BIRC6: variants seen among roughly 807,000 people sequenced by gnomAD.
BIRC6 encodes dual E2 ubiquitin-conjugating enzyme/E3 ubiquitin-protein ligase BIRC6.
Under a neutral mutation model 503.3 loss-of-function variants are expected in BIRC6, and 98 were observed. That is an observed-to-expected ratio of 0.19 (90% CI 0.17 to 0.23). The LOEUF (loss-of-function observed/expected upper bound fraction) is 0.23. BIRC6 is among the 10% of genes least tolerant of loss of function. The pLI is 1.00. For missense variants in BIRC6, 5,360 were observed against 5,806.0 expected (o/e 0.92, Z 2.50); for synonymous variants, 2,240 against 2,078.7 (o/e 1.08, Z -2.11).
At position 32,485,251 on chromosome 2, in the gene BIRC6, A is replaced by G. The variant is rs189890267; in HGVS notation, c.7697-392A>G. Among the ~76,000 whole-genome samples the G allele has an allele frequency of 3.2e-4, 48 of 152,230 alleles. 1 individual carries two copies. The highest frequency in any genetic ancestry group is 1.0e-3 in the African/African-American group (42 of 41,534). ...GGCATCTATATTTCTGTATCTGTCTATCTATTCTGAATATGATGAATTCAC... is the reference window on the plus strand; with the variant it reads ...GGCATCTATATTTCTGTATCTGTCTGTCTATTCTGAATATGATGAATTCAC... On this transcript the variant is annotated intron_variant, in intron 39 of 73. Coordinates refer to ENST00000421745, the MANE Select transcript of BIRC6 (RefSeq NM_016252.4).
At chr2:32,452,219 G>T (rs1295246424) in intron 22 of BIRC6, among the ~76,000 whole-genome samples, 3 of 152,106 alleles carry the variant, frequency 2.0e-5, no homozygotes, top group African/African-American at 7.2e-5. Flanking sequence ...ACGGAGGCAG[G>T]TAGGAGAATC....
intron 73 of BIRC6, among the ~76,000 whole-genome samples, chr2:32,617,168 C>T (rs1279063615): frequency 6.6e-6 from 1 of 152,136 alleles, no homozygotes; most frequent in Non-Finnish European, 1.5e-5. Context: ...CTTTGGGAGG[C>T]CGAGGCAGGT....
At chr2:32,455,608 C>G (rs1050362218) in intron 23 of BIRC6, among the ~76,000 whole-genome samples, 14 of 152,104 alleles carry the variant, frequency 9.2e-5, no homozygotes, top group African/African-American at 3.4e-4. Flanking sequence ...GCCTGGGTGA[C>G]AGAGTGAGAC....
intron 66 of BIRC6, among the ~76,000 whole-genome samples, chr2:32,577,264 C>T (rs2060329553): frequency 6.6e-6 from 1 of 152,048 alleles, no homozygotes; most frequent in African/African-American, 2.4e-5. Context: ...AAACTGCCAT[C>T]ATGTCTTTTT....
chr2:32,600,935 A>G (rs2599510), intron 70 of BIRC6, among the ~76,000 whole-genome samples: 69,913 of 152,030 alleles, frequency 0.46, 16,439 homozygotes, highest in Non-Finnish European at 0.51. Flanking sequence ...CCACTTTGGA[A>G]GAAGAATAAT....
chr2:32,510,132 AT>A, intron 52 of BIRC6, 138 bp downstream of exon 52: 1 of 1,066,754 alleles, frequency 9.4e-7, no homozygotes. Context: ...CTCTTCTCTG[AT>A]GGAGTCTCAC....
intron 10 of BIRC6, among the ~76,000 whole-genome samples, chr2:32,422,424 T>A (rs577896507): frequency 4.6e-5 from 7 of 152,296 alleles, no homozygotes; most frequent in African/African-American, 1.7e-4. Context: ...ATTTTTTTTT[T>A]AGAAGAAAAT....
chr2:32,431,151 C>T (rs1440123424), intron 12 of BIRC6, 61 bp downstream of exon 12: 15 of 586,200 alleles, frequency 2.6e-5, no homozygotes, highest in Admixed American at 1.2e-4. Context: ...TCAGAGACAA[C>T]GTAGAATTCC....
intron 17 of BIRC6, 151 bp from the exon 18 acceptor site, chr2:32,441,914 A>T (rs2045481040): frequency 3.8e-6 from 2 of 524,268 alleles, no homozygotes; most frequent in South Asian, 1.2e-4. Context: ...TTTTCTACAA[A>T]TGAAATACTT....
In BIRC6 at chr2:32,525,583, A is replaced by G; in HGVS notation, c.11875A>G (p.Ile3959Val). The G allele has an allele frequency of 6.2e-7, 1 of 1,613,982 alleles. No homozygotes were observed. Among genetic ancestry groups the G allele is most frequent in the Non-Finnish European group, 8.5e-7 (1 of 1,179,874 alleles). ...STSGAEAANK[I>V]ITVPVFHLFH... ...TTCAGGAGCAGAGGCTGCCAACAAA[A>G]TAATTACTGTCCCAGTGTTTCACCT... The change falls in exon 59 of 74, where the codon ATA becomes GTA. Residue 3959 changes from isoleucine (I) to valine (V), a missense_variant. By Grantham distance (29) the Ile-to-Val change is conservative. Transcript: ENST00000421745.
chr2:32,487,763 A>G lies in BIRC6; in HGVS notation c.7930A>G (p.Asn2644Asp). Residue 2644 changes from asparagine to aspartate, a missense_variant, in exon 41 of 74, where the codon AAC becomes GAC. Asn to Asp is a conservative substitution (Grantham distance 23). Transcript: ENST00000421745. Reference sequence around the variant, plus strand: ...TGTCCCAATGTTAAATGTTTGTTTCAACAAACTTTTTTCCATGCTTCAAGT... The same window carrying G: ...TGTCCCAATGTTAAATGTTTGTTTCGACAAACTTTTTTCCATGCTTCAAGT... ...SSVPMLNVCF[N>D]KLFSMLQVHH... 6.2e-7 allele frequency: 1 copy of G among 1,613,462 alleles called. No individual in the cohort carries two copies. Among genetic ancestry groups the G allele is most frequent in the Non-Finnish European group, 8.5e-7 (1 of 1,179,504 alleles).
At chr2:32,385,415 A>AT (rs1275739611) in intron 3 of BIRC6, among the ~76,000 whole-genome samples, 1 of 152,200 alleles carries the variant, frequency 6.6e-6, no homozygotes, top group Non-Finnish European at 1.5e-5. Flanking sequence ...GGTGCTCAAT[A>AT]TTATGGTTGG....
At chr2:32,511,739 T>G (rs1361348093) in intron 53 of BIRC6, among the ~76,000 whole-genome samples, 1 of 151,978 alleles carries the variant, frequency 6.6e-6, no homozygotes, top group Non-Finnish European at 1.5e-5. Flanking sequence ...AGAGATTTCT[T>G]CCTGATTTAT....
At chr2:32,549,523 G>T in intron 65 of BIRC6, 42 bp downstream of exon 65, 1 of 1,314,996 alleles carries the variant, frequency 7.6e-7, no homozygotes, top group East Asian at 2.7e-5. Context: ...GAATAATTTT[G>T]TTTGCTTATT....
chr2:32,411,279 T>C (rs1022642271), intron 9 of BIRC6, among the ~76,000 whole-genome samples: 1 of 150,826 alleles, frequency 6.6e-6, no homozygotes, highest in Non-Finnish European at 1.5e-5. Context: ...CCTCAGGTGA[T>C]CCACCCGCCT....
intron 66 of BIRC6, among the ~76,000 whole-genome samples, chr2:32,577,051 A>T (rs1327525166): frequency 6.6e-6 from 1 of 152,088 alleles, no homozygotes; most frequent in Non-Finnish European, 1.5e-5. Context: ...CTCACTGGTA[A>T]CCAAGGAAGC....
At chr2:32,505,263 G>A (rs1363777067) in intron 50 of BIRC6, 58 bp downstream of exon 50, 1 of 1,404,108 alleles carries the variant, frequency 7.1e-7, no homozygotes, top group African/African-American at 1.4e-5. Context: ...AGAAATATTT[G>A]AAAATAAAAA....
chr2:32,441,428 C>G lies in BIRC6; in HGVS notation c.3910C>G (p.Arg1304Gly). 6.2e-7 allele frequency: 1 copy of G among 1,609,822 alleles called. No homozygotes were observed. The highest frequency in any genetic ancestry group is 8.5e-7 in the Non-Finnish European group (1 of 1,177,250). ...ACTTCAAGAGGTCTCAGTCACCATT[C>G]GAAGATTTAAGAAAACCTCAATTTC... Reference protein sequence around the residue: ...DLLQEVSVTIRRFKKTSISKE... With the variant: ...DLLQEVSVTIGRFKKTSISKE... Residue 1304 changes from arginine (R) to glycine (G), a missense_variant, in exon 17 of 74, where the codon CGA becomes GGA. By Grantham distance (125) the Arg-to-Gly change is moderately radical (BLOSUM62 -2). Transcript: ENST00000421745.
In BIRC6 at chr2:32,397,239, G is replaced by T. The variant is rs192205353; in HGVS notation, c.1034+1646G>T. Among the ~76,000 whole-genome samples, 239 of 151,904 alleles carry T rather than the reference G, an allele frequency of 1.6e-3. 1 individual carries two copies. The highest frequency in any genetic ancestry group is 5.7e-3 in the African/African-American group (236 of 41,454). ...TAATCCCAGCACTTTGGGAGGCCGA[G>T]GCGGGTGGATCACCTGAGGTCAAGA... On this transcript the variant is annotated intron_variant, in intron 6 of 73. Coordinates refer to ENST00000421745, the MANE Select transcript of BIRC6 (RefSeq NM_016252.4).
Sources: allele counts gnomAD v4.1 joint callset (sites outside exome capture counted in the v4.1 genomes callset), GRCh38; gene constraint gnomAD v4.1.1; transcripts MANE v1.5; gene names NCBI Gene and HGNC (gene_info 2026-07-23, HGNC 2026-07-21).